Variants in TARBP1 observed in about 807,000 individuals in gnomAD.
TARBP1 encodes tRNA (guanosine(18)-2'-O)-methyltransferase TARBP1.
TARBP1 carries 144 observed loss-of-function variants against 178.6 expected under a neutral mutation model. That is an observed-to-expected ratio of 0.81 (90% CI 0.70 to 0.93). TARBP1 has a LOEUF of 0.93. Among genes scored for constraint, TARBP1 ranks in the 40% least tolerant of loss-of-function variants. The probability of loss-of-function intolerance (pLI) is 0.00; values close to 1 mark genes in which losing one functional copy is unlikely to be tolerated. For missense variants in TARBP1, 2,067 were observed against 2,011.7 expected (o/e 1.03, Z -0.53); for synonymous variants, 787 against 781.0 (o/e 1.01, Z -0.13).
chr1:234,398,544 A>G lies in TARBP1; in HGVS notation c.4081T>C (p.Tyr1361His), dbSNP rs1475317477. The change falls in exon 26 of 30, where the codon TAC (tyrosine) becomes CAC (histidine). Residue 1361 changes from tyrosine (Y) to histidine (H), a missense_variant. Physicochemically the swap from Tyr to His is moderately conservative, Grantham distance 83. Transcript: ENST00000040877. The part of the protein sequence containing the change: ...LKDYCLETIF[Y>H]ILPRLSGLIE... Reference sequence around the variant, plus strand: ...AGGCCTGAAAGGCGTGGAAGGATGTAAAATATGGTCTGAAAAGAGAATTAT... The same window carrying G: ...AGGCCTGAAAGGCGTGGAAGGATGTGAAATATGGTCTGAAAAGAGAATTAT... 6.3e-7 allele frequency: 1 copy of G among 1,578,802 alleles called. No homozygotes were observed. Among genetic ancestry groups the G allele is most frequent in the South Asian group, 1.2e-5 (1 of 85,020 alleles).
Position 234,418,207 on chromosome 1 carries a change from C to A in TARBP1, c.3582G>T (p.Arg1194Ser). The A allele has an allele frequency of 6.4e-7, 1 of 1,557,490 alleles. No individual in the cohort carries two copies. Among genetic ancestry groups the A allele is most frequent in the Non-Finnish European group, 8.6e-7 (1 of 1,163,264 alleles). Residue 1194 changes from arginine to serine, a missense_variant, in exon 22 of 30, where the codon AGG becomes AGT. Physicochemically the swap from Arg to Ser is moderately radical, Grantham distance 110 (BLOSUM62 -1). Coordinates refer to ENST00000040877, the MANE Select transcript of TARBP1 (RefSeq NM_005646.4). ...DQNFLNGIID[R>S]IFQAGFTNNQ... ...TGTTGGTGAAACCAGCCTGGAAAATCCTGTCAATAATTCCATTCAAGAAAT... is the reference window on the plus strand; with the variant it reads ...TGTTGGTGAAACCAGCCTGGAAAATACTGTCAATAATTCCATTCAAGAAAT...
chr1:234,442,940 A>C (rs1665745677), intron 12 of TARBP1, among the ~76,000 whole-genome samples: 1 of 152,142 alleles, frequency 6.6e-6, no homozygotes, highest in African/African-American at 2.4e-5. Context: ...ACATCTCTGA[A>C]TTTAACACCC....
chr1:234,448,056 A>C (rs562988707), intron 11 of TARBP1, among the ~76,000 whole-genome samples: 10 of 152,236 alleles, frequency 6.6e-5, no homozygotes, highest in African/African-American at 2.4e-4. Flanking sequence ...TTCCCGCCTT[A>C]GCCTCTCTAG....
Position 234,478,330 on chromosome 1 carries a change from G to T in TARBP1, c.774C>A (p.Asp258Glu). ...RARGAREAGPDARRCWRFWRT... is the reference protein window; with the variant it reads ...RARGAREAGPEARRCWRFWRT... ...TCCAGAAGCGCCAGCAGCGCCGGGC[G>T]TCCGGGCCCGCCTCGCGCGCGCCGC... The change falls in exon 1 of 30, where the codon GAC (aspartate) becomes GAA (glutamate). Residue 258 changes from aspartate (D) to glutamate (E), a missense_variant. Physicochemically the swap from Asp to Glu is conservative, Grantham distance 45 (BLOSUM62 2). Transcript: ENST00000040877. 1 of 1,328,218 alleles carries T rather than the reference G, an allele frequency of 7.5e-7. No homozygotes were observed. The allele number at this position is 1,328,218 out of a possible 1,614,324, so 82.3% of individuals were successfully genotyped here. A position where few individuals can be genotyped will look rare whatever the true frequency, so the allele number is the denominator to read the frequency against.
intron 23 of TARBP1, 144 bp from the exon 24 acceptor site, chr1:234,406,243 C>T: frequency 1.4e-6 from 1 of 696,204 alleles, no homozygotes; most frequent in Non-Finnish European, 2.4e-6. Flanking sequence ...GCCTCTCATT[C>T]TTCCCTCCTG....
rs1141264 is a variant in TARBP1, at chr1:234,410,499, C to A, written c.3738G>T (p.Thr1246=). Residue 1246 remains threonine (T), a synonymous_variant, in exon 23 of 30, where the codon ACG becomes ACT. Coordinates refer to ENST00000040877, the MANE Select transcript of TARBP1 (RefSeq NM_005646.4). ...GEENLKTSIC[T]FLAVLSHLDI... Reference sequence around the variant, plus strand: ...CTAAATGTGATAAAACTGCTAAAAACGTACAAATGCTTGTTTTAAGATTTT... The same window carrying A: ...CTAAATGTGATAAAACTGCTAAAAAAGTACAAATGCTTGTTTTAAGATTTT... 1 of 1,505,630 alleles carries A rather than the reference C, an allele frequency of 6.6e-7. No individual in the cohort carries two copies. Among genetic ancestry groups the A allele is most frequent in the Non-Finnish European group, 9.1e-7 (1 of 1,094,620 alleles). 93.3% of individuals were successfully genotyped at this position (1,505,630 alleles called of 1,614,324 possible). A position where few individuals can be genotyped will look rare whatever the true frequency, so the allele number is the denominator to read the frequency against.
intron 1 of TARBP1, among the ~76,000 whole-genome samples, chr1:234,475,962 A>G (rs1016566179): frequency 6.8e-6 from 1 of 147,588 alleles, no homozygotes; most frequent in African/African-American, 2.5e-5. Context: ...AATGCCACAA[A>G]GTAACGGTGC....
intron 10 of TARBP1, among the ~76,000 whole-genome samples, chr1:234,450,163 A>C (rs1018480344): frequency 7.3e-6 from 1 of 136,698 alleles, no homozygotes; most frequent in Non-Finnish European, 1.6e-5. Flanking sequence ...ATGACTTTGC[A>C]TCCACTTCTT....
intron 10 of TARBP1, among the ~76,000 whole-genome samples, chr1:234,449,522 T>C (rs796592387): frequency 2.0e-5 from 3 of 152,326 alleles, no homozygotes; most frequent in African/African-American, 7.2e-5. Flanking sequence ...CCTCCCAGTT[T>C]ATGTCTACTT....
At chr1:234,455,716 G>A (rs1017377821) in intron 9 of TARBP1, among the ~76,000 whole-genome samples, 8 of 151,840 alleles carry the variant, frequency 5.3e-5, no homozygotes, top group Admixed American at 1.3e-4. Context: ...TTCAAATCAC[G>A]TAAATTCATT....
chr1:234,450,505 A>G lies in TARBP1; in HGVS notation c.1784T>C (p.Ile595Thr), dbSNP rs765774963. 1.1e-5 allele frequency: 17 copies of G among 1,611,978 alleles called. No individual in the cohort carries two copies. The African/African-American group carries it at 1.2e-4, about 11-fold the overall frequency. Residue 595 changes from isoleucine (I) to threonine (T), a missense_variant, in exon 10 of 30, where the codon ATT becomes ACT. Coordinates refer to ENST00000040877, the MANE Select transcript of TARBP1 (RefSeq NM_005646.4). ...ATTTAAAGATGTCTTGTGAAGTCCAATGGAGCTACACGTAGGGGATGGCTT... is the reference window on the plus strand; with the variant it reads ...ATTTAAAGATGTCTTGTGAAGTCCAGTGGAGCTACACGTAGGGGATGGCTT... ...YFKPSPTCSS[I>T]GLHKTSLNAY... is the part of the protein sequence containing the mutation.
At chr1:234,459,097 C>G in intron 8 of TARBP1, 133 bp downstream of exon 8, 1 of 630,646 alleles carries the variant, frequency 1.6e-6, no homozygotes. Flanking sequence ...TATTTTATTA[C>G]AAGCACATTT....
intron 1 of TARBP1, among the ~76,000 whole-genome samples, chr1:234,477,768 CAATTCACT>C (rs1669701910): frequency 6.6e-6 from 1 of 152,180 alleles, no homozygotes; most frequent in Admixed American, 6.5e-5. Flanking sequence ...ACTCAACACT[CAATTCACT>C]AATTCACTGG....
intron 28 of TARBP1, 161 bp from the exon 29 acceptor site, chr1:234,392,713 CTTTT>C (rs373165088): frequency 4.1e-4 from 138 of 340,668 alleles, no homozygotes; most frequent in South Asian, 5.4e-4. Flanking sequence ...ACATCAATTT[CTTTT>C]TTTTTTTTTT....
At chr1:234,392,130 A>C (rs1338362302) in intron 29 of TARBP1, among the ~76,000 whole-genome samples, 1 of 152,220 alleles carries the variant, frequency 6.6e-6, no homozygotes, top group Non-Finnish European at 1.5e-5. Flanking sequence ...CATGGAGGCC[A>C]AGGCCAGAGG....
chr1:234,476,882 T>C (rs1017360900), intron 1 of TARBP1, among the ~76,000 whole-genome samples: 1 of 152,244 alleles, frequency 6.6e-6, no homozygotes, highest in Non-Finnish European at 1.5e-5. Flanking sequence ...CCATTGCTTA[T>C]CCCTAAAACT....
In TARBP1 at chr1:234,418,123, G is replaced by C; in HGVS notation, c.3666C>G (p.Phe1222Leu). The change falls in exon 22 of 30, where the codon TTC becomes TTG. Residue 1222 changes from phenylalanine to leucine, a missense_variant. By Grantham distance (22) the Phe-to-Leu change is conservative (BLOSUM62 0). Transcript: ENST00000040877. Reference sequence around the variant, plus strand: ...CCCAGAACTTTGGAAGAAATTGAGGGAATTTATGAAGAATCAATATAATAA... The same window carrying C: ...CCCAGAACTTTGGAAGAAATTGAGGCAATTTATGAAGAATCAATATAATAA... ...EWIIILILHK[F>L]PQFLPKFWDC... The C allele has an allele frequency of 6.8e-7, 1 of 1,464,748 alleles. No individual in the cohort carries two copies. 90.7% of individuals were successfully genotyped at this position (1,464,748 alleles called of 1,614,324 possible).
chr1:234,427,431 T>C (rs1467552762), intron 18 of TARBP1, 43 bp from the exon 19 acceptor site: 4 of 1,533,036 alleles, frequency 2.6e-6, no homozygotes, highest in African/African-American at 1.4e-5. Context: ...AGGTTTTAAA[T>C]AGAAAAAAAA....
chr1:234,420,322 C>T (rs1330128122), intron 21 of TARBP1, among the ~76,000 whole-genome samples: 1 of 152,180 alleles, frequency 6.6e-6, no homozygotes, highest in African/African-American at 2.4e-5. Flanking sequence ...TGCCTGGTTT[C>T]TACAGTACAG....
Sources: allele counts gnomAD v4.1 joint callset (sites outside exome capture counted in the v4.1 genomes callset), GRCh38; gene constraint gnomAD v4.1.1; transcripts MANE v1.5; gene names NCBI Gene and HGNC (gene_info 2026-07-23, HGNC 2026-07-21).